The following ETV3L variants were observed in gnomAD, a reference collection of about 807,000 sequenced individuals.
The protein encoded by ETV3L is ETS variant transcription factor 3 like, also known as ETS translocation variant 3-like protein.
In ETV3L, 30 loss-of-function variants were observed where a neutral mutation model predicts 27.6. That is an observed-to-expected ratio of 1.09 (90% confidence interval 0.81 to 1.48). The LOEUF is 1.48. ETV3L is among the 40% of genes most tolerant of loss of function. The pLI is 0.00. For synonymous variants in ETV3L, 186 were observed against 188.9 expected, an observed-to-expected ratio of 0.98 and a Z score of 0.12; for missense variants, 443 against 455.6, an observed-to-expected ratio of 0.97 and a Z score of 0.25.
chr1:157,098,763 C>A lies in ETV3L; in HGVS notation c.429G>T (p.Leu143=). 6.2e-7 allele frequency: 1 copy of A among 1,613,528 alleles called. No individual in the cohort carries two copies. Residue 143 remains leucine, a synonymous_variant, in exon 3 of 5, where the codon CTG becomes CTT. Coordinates refer to ENST00000454449, the MANE Select transcript of ETV3L (RefSeq NM_001004341.2). ...EVRAPPSPHL[L]LGAPALCRPA... ...GCCGACACAGGGCAGGGGCCCCCAG[C>A]AGCAAGTGGGGGGATGGCGGCGCCC...
Position 157,099,343 on chromosome 1 carries a change from A to T in ETV3L, c.94T>A (p.Ser32Thr). The change falls in exon 2 of 5, where the codon TCG becomes ACG. Residue 32 changes from serine to threonine, a missense_variant. Transcript: ENST00000454449. ...TGGATCTGCCGGGAGCCTGGGGACG[A>T]CTCGGCTTTGTAGGCCCAATCAGGG... is the stretch of plus-strand genomic sequence containing the variant. ...AFPDWAYKAE[S>T]SPGSRQIQLW... 6.2e-7 allele frequency: 1 copy of T among 1,614,078 alleles called. No individual in the cohort carries two copies. Among genetic ancestry groups the T allele is most frequent in the African/African-American group, 1.3e-5 (1 of 74,972 alleles).
At chr1:157,095,551 C>CTTTT (rs397939617) in intron 4 of ETV3L, among the ~76,000 whole-genome samples, 4 of 140,598 alleles carry the variant, frequency 2.8e-5, no homozygotes, top group South Asian at 2.3e-4. Flanking sequence ...TTCTTTCTTT[C>CTTTT]TTTTTTTTTT....
intron 4 of ETV3L, among the ~76,000 whole-genome samples, chr1:157,095,528 C>A (rs1674201760): frequency 6.6e-6 from 1 of 150,690 alleles, no homozygotes; most frequent in Admixed American, 6.6e-5. Flanking sequence ...GGAGGGAACA[C>A]TTTTTTCTTT....
At position 157,092,674 on chromosome 1, in the gene ETV3L, G is replaced by A. The variant is rs370807361; in HGVS notation, c.1061C>T (p.Ala354Val). Reference sequence around the variant, plus strand: ...TTAAGGAGGATCCAAGGGCCACACTGCTTTGAGGTTCTCCAGATTGGGGGA... The same window carrying A: ...TTAAGGAGGATCCAAGGGCCACACTACTTTGAGGTTCTCCAGATTGGGGGA... ...LTSPNLENLK[A>V]VWPLDPP The change falls in exon 5 of 5, where the codon GCA (alanine) becomes GTA (valine). Residue 354 changes from alanine to valine, a missense_variant. Physicochemically the swap from Ala to Val is moderately conservative, Grantham distance 64 (BLOSUM62 0). Coordinates refer to ENST00000454449, the MANE Select transcript of ETV3L (RefSeq NM_001004341.2). The A allele has an allele frequency of 4.3e-5, 70 of 1,612,240 alleles. No homozygotes were observed. In the African/African-American group the frequency reaches 8.7e-4, roughly 20 times the overall value.
chr1:157,098,123 G>A, intron 3 of ETV3L, 135 bp from the exon 4 acceptor site: 1 of 972,110 alleles, frequency 1.0e-6, no homozygotes, highest in Non-Finnish European at 1.4e-6. Context: ...TTGAGTTGGA[G>A]TCTTGCTCTG....
rs750899622 is a variant in ETV3L, at chr1:157,092,453, C to A, written c.*196G>T. ...GCAATATGGTGAAAGAGGAGGGGCA[C>A]CCTGTCTTGGTTTTTCCCATTTCCA... On this transcript the variant is annotated 3_prime_UTR_variant, in exon 5 of 5. Coordinates refer to ENST00000454449, the MANE Select transcript of ETV3L (RefSeq NM_001004341.2). 6.8e-5 allele frequency: 39 copies of A among 571,622 alleles called. No individual in the cohort carries two copies. The highest frequency in any genetic ancestry group is 1.1e-4 in the Non-Finnish European group (36 of 324,034). 35.4% of individuals were successfully genotyped at this position (571,622 alleles called of 1,614,324 possible).
At chr1:157,094,032 C>G (rs965572300) in intron 4 of ETV3L, among the ~76,000 whole-genome samples, 1 of 152,188 alleles carries the variant, frequency 6.6e-6, no homozygotes, top group African/African-American at 2.4e-5. Context: ...CGAATCTACC[C>G]AGTCTGGACA....
chr1:157,098,851 C>G lies in ETV3L; in HGVS notation c.341G>C (p.Arg114Thr). Reference protein sequence around the residue: ...KRILHKTKGKRFTYKFNFSKL... With the variant: ...KRILHKTKGKTFTYKFNFSKL... ...GCTGAAGTTGAACTTGTATGTGAAC[C>G]TTTTGCCTTTGGTCTTATGCAGGAT... The change falls in exon 3 of 5, where the codon AGG (arginine) becomes ACG (threonine). Residue 114 changes from arginine (R) to threonine (T), a missense_variant. Arg to Thr is a moderately conservative substitution (Grantham distance 71, BLOSUM62 -1). Coordinates refer to ENST00000454449, the MANE Select transcript of ETV3L (RefSeq NM_001004341.2). 6.2e-7 allele frequency: 1 copy of G among 1,614,024 alleles called. No homozygotes were observed.
intron 4 of ETV3L, among the ~76,000 whole-genome samples, chr1:157,094,575 A>G (rs1674185521): frequency 6.6e-6 from 1 of 152,222 alleles, no homozygotes; most frequent in Non-Finnish European, 1.5e-5. Flanking sequence ...AAGAACAAGC[A>G]TCAACCCAAC....
At chr1:157,093,574 C>T (rs1674165521) in intron 4 of ETV3L, among the ~76,000 whole-genome samples, 1 of 151,640 alleles carries the variant, frequency 6.6e-6, no homozygotes, top group Non-Finnish European at 1.5e-5. Context: ...TCACTGCAAT[C>T]TCCGCCTCCC....
At chr1:157,098,209 G>A (rs925659506) in intron 3 of ETV3L, among the ~76,000 whole-genome samples, 19 of 151,846 alleles carry the variant, frequency 1.3e-4, no homozygotes, top group Admixed American at 1.0e-3. Flanking sequence ...CGATTCTCCT[G>A]CCTCAGCCTC....
chr1:157,095,347 C>T (rs1674198998), intron 4 of ETV3L, among the ~76,000 whole-genome samples: 1 of 152,052 alleles, frequency 6.6e-6, no homozygotes, highest in African/African-American at 2.4e-5. Context: ...AGGTGAGGGG[C>T]TGGCACAGGC....
At chr1:157,097,484 A>AC (rs1238739249) in intron 4 of ETV3L, among the ~76,000 whole-genome samples, 1 of 151,348 alleles carries the variant, frequency 6.6e-6, no homozygotes, top group African/African-American at 2.4e-5. Flanking sequence ...AAAAAAAAAA[A>AC]AAAAAAGAAT....
At chr1:157,095,551 C>CT (rs397939617) in intron 4 of ETV3L, among the ~76,000 whole-genome samples, 28 of 140,592 alleles carry the variant, frequency 2.0e-4, no homozygotes, top group African/African-American at 3.4e-4. Flanking sequence ...TTCTTTCTTT[C>CT]TTTTTTTTTT....
intron 4 of ETV3L, among the ~76,000 whole-genome samples, chr1:157,094,286 G>A (rs1334464462): frequency 6.6e-6 from 1 of 152,202 alleles, no homozygotes; most frequent in African/African-American, 2.4e-5. Flanking sequence ...GCCCTGCAGA[G>A]TGCATGACGG....
intron 1 of ETV3L, 25 bp downstream of exon 1, chr1:157,099,441 G>T: frequency 6.2e-7 from 1 of 1,614,030 alleles, no homozygotes; most frequent in Non-Finnish European, 8.5e-7. Context: ...TTGGAGCAGG[G>T]GGTAGGCCCG....
rs114815863 is a variant in ETV3L, at chr1:157,094,468, G to A, written c.608-1341C>T. On this transcript the variant is annotated intron_variant, in intron 4 of 4. Coordinates refer to ENST00000454449, the MANE Select transcript of ETV3L (RefSeq NM_001004341.2). ...ATAGGGCCTCCCAGCTGGGGGCCTTGGAGATGACTATATAGAACTTCACAT... is the reference window on the plus strand; with the variant it reads ...ATAGGGCCTCCCAGCTGGGGGCCTTAGAGATGACTATATAGAACTTCACAT... Among the ~76,000 whole-genome samples, 802 of 152,314 alleles carry A rather than the reference G, an allele frequency of 5.3e-3. 7 individuals carry two copies. Among genetic ancestry groups the A allele is most frequent in the African/African-American group, 0.019 (782 of 41,558 alleles).
intron 2 of ETV3L, 88 bp downstream of exon 2, chr1:157,099,053 A>C: frequency 6.4e-7 from 1 of 1,554,804 alleles, no homozygotes; most frequent in Non-Finnish European, 8.8e-7. Context: ...CAAGCCTTGG[A>C]GGGGTGGGAG....
At chr1:157,098,387 C>T (rs966304360) in intron 3 of ETV3L, among the ~76,000 whole-genome samples, 14 of 152,094 alleles carry the variant, frequency 9.2e-5, no homozygotes, top group African/African-American at 2.7e-4. Context: ...TGAGCCACCA[C>T]GCCTGGCCTC....
Sources: allele counts gnomAD v4.1 joint callset (sites outside exome capture counted in the v4.1 genomes callset), GRCh38; gene constraint gnomAD v4.1.1; transcripts MANE v1.5; gene names NCBI Gene and HGNC (gene_info 2026-07-23, HGNC 2026-07-21).